MGAT5B: variants seen among roughly 807,000 people sequenced by gnomAD.
The protein encoded by MGAT5B is alpha-1,6-mannosylglycoprotein 6-beta-N-acetylglucosaminyltransferase B.
In MGAT5B, 54 loss-of-function variants were observed where a neutral mutation model predicts 95.1. The observed-to-expected ratio is 0.57, with a 90% CI of 0.46 to 0.71. MGAT5B has a LOEUF of 0.71. Ranked by LOEUF, MGAT5B falls within the 30% of genes least tolerant of loss-of-function variation. The pLI, the probability that MGAT5B is intolerant of heterozygous loss-of-function variation, is 0.00. For synonymous variants in MGAT5B, 464 were observed against 451.0 expected, an observed-to-expected ratio of 1.03 and a Z score of -0.36; for missense variants, 935 against 1,088.6, an observed-to-expected ratio of 0.86 and a Z score of 1.99.
At position 76,932,782 on chromosome 17, in the gene MGAT5B, G is replaced by A. The variant is rs763847658; in HGVS notation, c.1422+7G>A. 11 of 1,612,860 alleles carry A rather than the reference G, an allele frequency of 6.8e-6. No individual in the cohort carries two copies. Among genetic ancestry groups the A allele is most frequent in the Non-Finnish European group, 9.3e-6 (11 of 1,179,692 alleles). ...GGAGGCGAGCATCTGGAAGGTGAGC[G>A]CGGCCCCTGCGCGCGGGAAGCACCA... On this transcript the variant is annotated splice_region_variant and intron_variant, in intron 11 of 17. Transcript: ENST00000569840.
intron 9 of MGAT5B, 96 bp downstream of exon 9, chr17:76,925,193 G>A: frequency 1.3e-6 from 2 of 1,489,564 alleles, no homozygotes; most frequent in East Asian, 2.3e-5. Flanking sequence ...TCAGCCAGCT[G>A]GGCCCAGGTG....
chr17:76,940,838 T>C lies in MGAT5B; in HGVS notation c.1838T>C (p.Met613Thr). Residue 613 changes from methionine (M) to threonine (T), a missense_variant, in exon 15 of 18, where the codon ATG becomes ACG. Physicochemically the swap from Met to Thr is moderately conservative, Grantham distance 81. Coordinates refer to ENST00000569840, the MANE Select transcript of MGAT5B (RefSeq NM_001199172.2). The surrounding 1 kb of genome is among the most constrained non-coding windows in gnomAD (Gnocchi z 4.3). ...TTTGAAGCAGCCATCAAGGCCATTA[T>C]GAGAACTCAGGTGAGAGCAGCCACA... ...EEFEAAIKAIMRTQVDPYLPY... is the reference protein window; with the variant it reads ...EEFEAAIKAITRTQVDPYLPY... 1.2e-6 allele frequency: 2 copies of C among 1,613,824 alleles called. No individual in the cohort carries two copies. The highest frequency in any genetic ancestry group is 1.7e-6 in the Non-Finnish European group (2 of 1,179,796).
intron 3 of MGAT5B, among the ~76,000 whole-genome samples, chr17:76,899,007 C>T (rs1312456966): frequency 6.6e-6 from 1 of 152,216 alleles, no homozygotes; most frequent in Non-Finnish European, 1.5e-5. Context: ...GCTGGCCACT[C>T]ACAACCACAC....
chr17:76,881,017 G>C (rs760134951), intron 2 of MGAT5B, among the ~76,000 whole-genome samples: 1 of 152,146 alleles, frequency 6.6e-6, no homozygotes, highest in Non-Finnish European at 1.5e-5. Context: ...GGCTCGTTTT[G>C]GGGGAGTGAT....
chr17:76,893,261 TGC>T (rs1472011029), intron 3 of MGAT5B, among the ~76,000 whole-genome samples: 4 of 152,114 alleles, frequency 2.6e-5, no homozygotes, highest in Admixed American at 2.6e-4. Context: ...TTGGTTCATC[TGC>T]GTTTGGTTCC....
At position 76,906,972 on chromosome 17, in the gene MGAT5B, G is replaced by A. The variant is rs1190536499; in HGVS notation, c.1025+785G>A. 6.6e-6 allele frequency among the ~76,000 whole-genome samples: 1 copy of A among 151,872 alleles called. No homozygotes were observed. Among genetic ancestry groups the A allele is most frequent in the Non-Finnish European group, 1.5e-5 (1 of 68,012 alleles). ...ATCATGCTGTCACCAAGGACTCTGGGTTTGCCTGAGAGTGTCTGCCAATCT... is the reference window on the plus strand; with the variant it reads ...ATCATGCTGTCACCAAGGACTCTGGATTTGCCTGAGAGTGTCTGCCAATCT... On this transcript the variant is annotated intron_variant, in intron 8 of 17. Transcript: ENST00000569840. The surrounding 1 kb of genome is among the most constrained non-coding windows in gnomAD (Gnocchi z 4.6).
In MGAT5B at chr17:76,940,882, C is replaced by T. The variant is rs1200747421; in HGVS notation, c.1848+34C>T. 4.7e-6 allele frequency: 7 copies of T among 1,502,488 alleles called. No homozygotes were observed. Among genetic ancestry groups the T allele is most frequent in the Admixed American group, 1.7e-5 (1 of 59,786 alleles). 93.1% of individuals were successfully genotyped at this position (1,502,488 alleles called of 1,614,324 possible). A position where few individuals can be genotyped will look rare whatever the true frequency, so the allele number is the denominator to read the frequency against. On this transcript the variant is annotated intron_variant, in intron 15 of 17. Transcript: ENST00000569840. This position sits in a 1 kb window ranked among gnomAD's most constrained non-coding sequence, Gnocchi z 4.3. ...AGCCACATACAGTTGAGACCCCCCACTAGTCCACACTGCTGGTCTTCACTC... is the reference window on the plus strand; with the variant it reads ...AGCCACATACAGTTGAGACCCCCCATTAGTCCACACTGCTGGTCTTCACTC...
At position 76,938,011 on chromosome 17, in the gene MGAT5B, C is replaced by T. The variant is rs1215251072; in HGVS notation, c.1452C>T (p.Ile484=). ...KLQGKEKFLG[I]LNKYMEIHGT... ...AGGGGAAGGAGAAGTTCCTGGGCAT[C>T]CTGAACAAATACATGGAGATCCATG... The change falls in exon 13 of 18, where the codon ATC becomes ATT. Residue 484 remains isoleucine, a synonymous_variant. Coordinates refer to ENST00000569840, the MANE Select transcript of MGAT5B (RefSeq NM_001199172.2). This position sits in a 1 kb window ranked among gnomAD's most constrained non-coding sequence, Gnocchi z 4.3. 1.2e-6 allele frequency: 2 copies of T among 1,613,980 alleles called. No homozygotes were observed. The highest frequency in any genetic ancestry group is 1.7e-6 in the Non-Finnish European group (2 of 1,179,910).
intron 2 of MGAT5B, 22 bp downstream of exon 2, chr17:76,872,985 A>G: frequency 6.2e-7 from 1 of 1,611,104 alleles, no homozygotes; most frequent in Non-Finnish European, 8.5e-7. Context: ...GGGCAAGGGG[A>G]GTGTGAGATG....
In MGAT5B at chr17:76,869,218, G is replaced by T; in HGVS notation, c.68+121G>T. The T allele has an allele frequency of 1.2e-6, 1 of 861,920 alleles. No individual in the cohort carries two copies. Among genetic ancestry groups the T allele is most frequent in the Non-Finnish European group, 2.0e-6 (1 of 512,732 alleles). The allele number at this position is 861,920 out of a possible 1,614,324, so 53.4% of individuals were successfully genotyped here. On this transcript the variant is annotated intron_variant, in intron 1 of 17. Coordinates refer to ENST00000569840, the MANE Select transcript of MGAT5B (RefSeq NM_001199172.2). The surrounding 1 kb of genome is among the most constrained non-coding windows in gnomAD (Gnocchi z 7.0). Reference sequence around the variant, plus strand: ...GGGGGCGGTTCACACTTCAACCCCTGGTGATGACCAGTGGGGCTGGGCTGG... The same window carrying T: ...GGGGGCGGTTCACACTTCAACCCCTTGTGATGACCAGTGGGGCTGGGCTGG...
intron 3 of MGAT5B, 23 bp downstream of exon 3, chr17:76,882,321 C>T (rs1420137870): frequency 6.3e-7 from 1 of 1,582,906 alleles, no homozygotes; most frequent in Non-Finnish European, 8.6e-7. Context: ...GGGGAGGAGG[C>T]ACACGGAGCA....
intron 8 of MGAT5B, among the ~76,000 whole-genome samples, chr17:76,908,024 T>C (rs989760375): frequency 4.6e-5 from 7 of 152,218 alleles, no homozygotes; most frequent in Non-Finnish European, 1.5e-5. Context: ...ATCATTTTCA[T>C]ATTGAGTTGT....
At chr17:76,926,210 C>T (rs913595478) in intron 9 of MGAT5B, among the ~76,000 whole-genome samples, 1 of 152,168 alleles carries the variant, frequency 6.6e-6, no homozygotes, top group Admixed American at 6.5e-5. Context: ...GGGGCTATGA[C>T]TCCCTACCCA....
chr17:76,919,417 T>TA (rs547881185), intron 8 of MGAT5B, among the ~76,000 whole-genome samples: 34 of 152,318 alleles, frequency 2.2e-4, no homozygotes, highest in African/African-American at 8.2e-4. Context: ...TGGGTTGACT[T>TA]AAAAATTATT....
chr17:76,947,918 A>T lies in MGAT5B; in HGVS notation c.2012A>T (p.Glu671Val). 1 of 1,612,640 alleles carries T rather than the reference A, an allele frequency of 6.2e-7. No homozygotes were observed. The highest frequency in any genetic ancestry group is 1.1e-5 in the South Asian group (1 of 90,926). ...FVLAPNATHL[E>V]WARNTSLAPG... ...CTGGCCCCCAATGCCACCCACCTCG[A>T]GTGGGCTCGGAACACCAGCTTGGCT... The change falls in exon 17 of 18, where the codon GAG becomes GTG. Residue 671 changes from glutamate to valine, a missense_variant. This residue lies in a region of MGAT5B where 440 missense variants were observed against 523.6 expected (regional missense o/e 0.84). Transcript: ENST00000569840.
rs1198033693 is a variant in MGAT5B, at chr17:76,912,353, C to T, written c.1025+6166C>T. ...CAGAAGCACCCAGGGCCTCACCTCT[C>T]AGCCCTGGGAGCCGTTCTGTGGGAG... On this transcript the variant is annotated intron_variant, in intron 8 of 17. Transcript: ENST00000569840. This position sits in a 1 kb window ranked among gnomAD's most constrained non-coding sequence, Gnocchi z 5.0. Among the ~76,000 whole-genome samples, 1 of 152,186 alleles carries T rather than the reference C, an allele frequency of 6.6e-6. No homozygotes were observed. Among genetic ancestry groups the T allele is most frequent in the Non-Finnish European group, 1.5e-5 (1 of 68,040 alleles).
chr17:76,913,770 TC>T (rs776533423), intron 8 of MGAT5B: 7 of 477,846 alleles, frequency 1.5e-5, no homozygotes, highest in Non-Finnish European at 2.9e-5. Context: ...AACACATTGC[TC>T]ATTGAAAAGC....
At position 76,905,981 on chromosome 17, in the gene MGAT5B, C is replaced by T; in HGVS notation, c.856-37C>T. On this transcript the variant is annotated intron_variant, in intron 7 of 17. Transcript: ENST00000569840. The surrounding 1 kb of genome is among the most constrained non-coding windows in gnomAD (Gnocchi z 4.2). ...GGGGGGGCGGGGCTCAGAGCTGCTG[C>T]TCCTCTCTGCTGACCCTCTGTGTTC... 2 of 1,547,058 alleles carry T rather than the reference C, an allele frequency of 1.3e-6. No homozygotes were observed. The highest frequency in any genetic ancestry group is 1.7e-6 in the Non-Finnish European group (2 of 1,150,894).
chr17:76,878,079 C>T (rs1181951064), intron 2 of MGAT5B, among the ~76,000 whole-genome samples: 1 of 152,150 alleles, frequency 6.6e-6, no homozygotes, highest in African/African-American at 2.4e-5. Context: ...TGAAGTGACT[C>T]TGGGGAAGCG....
Sources: allele counts gnomAD v4.1 joint callset (sites outside exome capture counted in the v4.1 genomes callset), GRCh38; gene constraint gnomAD v4.1.1; regional missense constraint gnomAD v4.1.1; non-coding constraint Gnocchi (gnomAD v3.1); transcripts MANE v1.5; gene names NCBI Gene and HGNC (gene_info 2026-07-23, HGNC 2026-07-21).